IL12RB1: variants seen among roughly 807,000 people sequenced by gnomAD.
IL12RB1 encodes interleukin 12 receptor subunit beta 1, also known as interleukin-12 receptor subunit beta-1.
A neutral mutation model predicts 94.4 loss-of-function variants in IL12RB1; 64 were observed. The observed-to-expected ratio is 0.68, with a 90% confidence interval of 0.55 to 0.83. The LOEUF (loss-of-function observed/expected upper bound fraction) is 0.83, where lower values mean the gene tolerates loss of function less well. Ranked by LOEUF, IL12RB1 falls within the 40% of genes least tolerant of loss-of-function variation. The pLI is 0.00. For missense variants in IL12RB1, 814 were observed against 855.6 expected, an observed-to-expected ratio of 0.95 and a Z score of 0.61; for synonymous variants, 362 against 355.5, an observed-to-expected ratio of 1.02 and a Z score of -0.21.
intron 3 of IL12RB1, 52 bp from the exon 4 acceptor site, chr19:18,081,053 C>T: frequency 3.3e-6 from 5 of 1,533,506 alleles, no homozygotes; most frequent in Non-Finnish European, 4.5e-6. Flanking sequence ...TAGTGGACCC[C>T]ACAGCCGACT....
Position 18,073,589 on chromosome 19 carries a change from T to TG in IL12RB1, c.710dup (p.Gln238ThrfsTer57), listed in dbSNP as rs1338458709. ...CCACCGAGAATCTCACCTGAGGCTG[T>TG]GGGGGGTTTTCTGCAATCAGAACCA... On this transcript the variant is annotated frameshift_variant, in exon 8 of 17. Transcript: ENST00000593993. LOFTEE classifies it high-confidence loss of function. 2 of 1,609,048 alleles carry TG rather than the reference T, an allele frequency of 1.2e-6. No homozygotes were observed. The highest frequency in any genetic ancestry group is 1.7e-6 in the Non-Finnish European group (2 of 1,176,292).
chr19:18,077,381 G>GA (rs1568508959), intron 5 of IL12RB1, 135 bp downstream of exon 5: 2 of 716,166 alleles, frequency 2.8e-6, no homozygotes, highest in African/African-American at 1.8e-5. Context: ...AAAAGAAAAA[G>GA]AAAAAAACCA....
intron 10 of IL12RB1, 79 bp downstream of exon 10, chr19:18,069,467 C>T: frequency 7.5e-7 from 1 of 1,342,096 alleles, no homozygotes. Context: ...TGTGTGCCTT[C>T]CCTGCAGGTT....
Position 18,072,175 on chromosome 19 carries a change from A to G in IL12RB1, c.958T>C (p.Ser320Pro), listed in dbSNP as rs141507253. ...SGAAYNVAVI[S>P]SNQFGPGLNQ... ...AGGCCAGGACCAAATTGGTTCGAGG[A>G]GATGACAGCCACGTTGTAGGCAGCA... The change falls in exon 9 of 17, where the codon TCC becomes CCC. Residue 320 changes from serine (S) to proline (P), a missense_variant. Coordinates refer to ENST00000593993, the MANE Select transcript of IL12RB1 (RefSeq NM_005535.3). The G allele has an allele frequency of 6.7e-5, 108 of 1,614,004 alleles. No individual in the cohort carries two copies. The highest frequency in any genetic ancestry group is 8.8e-5 in the Non-Finnish European group (104 of 1,180,028).
intron 8 of IL12RB1, among the ~76,000 whole-genome samples, chr19:18,072,946 C>CAA (rs11336251): frequency 1.1e-4 from 8 of 75,096 alleles, no homozygotes; most frequent in Non-Finnish European, 1.8e-4. Flanking sequence ...GACTCCATCT[C>CAA]AAAAAAAAAA....
At chr19:18,083,124 G>GT (rs1011117342) in intron 2 of IL12RB1, 4 of 534,938 alleles carry the variant, frequency 7.5e-6, no homozygotes, top group African/African-American at 4.1e-5. Context: ...AATTTATCAG[G>GT]TTGGGGGGGG....
intron 13 of IL12RB1, 142 bp from the exon 14 acceptor site, chr19:18,062,419 A>C: frequency 1.7e-6 from 1 of 578,042 alleles, no homozygotes. Context: ...AGACCACAGA[A>C]CCCACCTGCC....
At chr19:18,060,832 G>T (rs150753070) in intron 15 of IL12RB1, among the ~76,000 whole-genome samples, 40 of 152,238 alleles carry the variant, frequency 2.6e-4, no homozygotes, top group Non-Finnish European at 3.8e-4. Flanking sequence ...AACCCTGAAC[G>T]GGCAGCTCCG....
At chr19:18,085,266 A>AG (rs1044256959) in intron 1 of IL12RB1, among the ~76,000 whole-genome samples, 1 of 152,026 alleles carries the variant, frequency 6.6e-6, no homozygotes, top group African/African-American at 2.4e-5. Flanking sequence ...TCCAACCTTG[A>AG]GGGGGGAAAG....
Position 18,059,917 on chromosome 19 carries a change from C to T in IL12RB1, c.1960G>A (p.Asp654Asn), listed in dbSNP as rs202106699. 6.5e-4 allele frequency: 1,031 copies of T among 1,586,708 alleles called. No individual in the cohort carries two copies. The highest frequency in any genetic ancestry group is 1.3e-3 in the Admixed American group (73 of 56,146). The change falls in exon 16 of 17, where the codon GAT becomes AAT. Residue 654 changes from aspartate to asparagine, a missense_variant. By Grantham distance (23) the Asp-to-Asn change is conservative (BLOSUM62 1). Coordinates refer to ENST00000593993, the MANE Select transcript of IL12RB1 (RefSeq NM_005535.3). ...ACCTTGGCCTTGCACCTGTCTCCATCCTCCAAGGACAACTCTGTATCCAGG... is the reference window on the plus strand; with the variant it reads ...ACCTTGGCCTTGCACCTGTCTCCATTCTCCAAGGACAACTCTGTATCCAGG... The part of the protein sequence containing the change: ...LALDTELSLE[D>N]GDRCKAKM
chr19:18,073,591 G>A lies in IL12RB1; in HGVS notation c.709C>T (p.Pro237Ser), dbSNP rs2035236593. 6.2e-7 allele frequency: 1 copy of A among 1,609,826 alleles called. No homozygotes were observed. The highest frequency in any genetic ancestry group is 1.7e-5 in the Admixed American group (1 of 59,924). Residue 237 changes from proline (P) to serine (S), a missense_variant, in exon 8 of 17, where the codon CCA becomes TCA. By Grantham distance (74) the Pro-to-Ser change is moderately conservative (BLOSUM62 -1). Transcript: ENST00000593993. Reference protein sequence around the residue: ...SPVCVPPENPPQPQVRFSVEQ... With the variant: ...SPVCVPPENPSQPQVRFSVEQ... ...ACCGAGAATCTCACCTGAGGCTGTG[G>A]GGGGTTTTCTGCAATCAGAACCAAA...
At chr19:18,084,384 A>G (rs1371090738) in intron 1 of IL12RB1, among the ~76,000 whole-genome samples, 2 of 148,116 alleles carry the variant, frequency 1.4e-5, no homozygotes, top group Admixed American at 6.7e-5. Context: ...TCGTCCATTC[A>G]TCCATCCATC....
rs750479913 is a variant in IL12RB1, at chr19:18,072,128, A to G, written c.1005T>C (p.Pro335=). 6.2e-7 allele frequency: 1 copy of G among 1,613,454 alleles called. No homozygotes were observed. The highest frequency in any genetic ancestry group is 2.2e-5 in the East Asian group (1 of 44,882). The change falls in exon 9 of 17, where the codon CCT becomes CCC. Residue 335 remains proline, a synonymous_variant. Transcript: ENST00000593993. The stretch of plus-strand genomic sequence containing the variant: ...AGGAGGCACCTGTGTGGGTGTCGGC[A>G]GGAATGTGCCACGTCTGGTTCAGGC... ...GPGLNQTWHI[P]ADTHTEPVAL...
chr19:18,072,448 A>G, intron 8 of IL12RB1, 99 bp from the exon 9 acceptor site: 1 of 800,092 alleles, frequency 1.2e-6, no homozygotes, highest in Non-Finnish European at 2.2e-6. Context: ...ACTTGGACAA[A>G]GGCCACAGCC....
intron 15 of IL12RB1, among the ~76,000 whole-genome samples, chr19:18,060,387 G>A (rs2034035050): frequency 6.6e-6 from 1 of 152,154 alleles, no homozygotes; most frequent in Admixed American, 6.6e-5. Flanking sequence ...GCTGAAGCAG[G>A]AGAATCGTTT....
chr19:18,096,095 G>A (rs1316737729), intron 1 of IL12RB1, among the ~76,000 whole-genome samples: 1 of 152,052 alleles, frequency 6.6e-6, no homozygotes, highest in East Asian at 1.9e-4. Context: ...AGGCATGGTG[G>A]CATGTGCCTG....
At position 18,069,667 on chromosome 19, in the gene IL12RB1, C is replaced by G. The variant is rs753394838; in HGVS notation, c.1068G>C (p.Met356Ile). Residue 356 changes from methionine to isoleucine, a missense_variant, in exon 10 of 17, where the codon ATG becomes ATC. Physicochemically the swap from Met to Ile is conservative, Grantham distance 10. Transcript: ENST00000593993. ...TGCTCTGAGCCCGGGCTGGCCAATACATGGTGGTCCCGTTGGTTCCGACGC... is the reference window on the plus strand; with the variant it reads ...TGCTCTGAGCCCGGGCTGGCCAATAGATGGTGGTCCCGTTGGTTCCGACGC... Reference protein sequence around the residue: ...NISVGTNGTTMYWPARAQSMT... With the variant: ...NISVGTNGTTIYWPARAQSMT... 1.2e-6 allele frequency: 2 copies of G among 1,613,086 alleles called. No individual in the cohort carries two copies. Among genetic ancestry groups the G allele is most frequent in the Non-Finnish European group, 1.7e-6 (2 of 1,179,370 alleles).
intron 12 of IL12RB1, 31 bp from the exon 13 acceptor site, chr19:18,064,041 G>A (rs770860296): frequency 6.3e-7 from 1 of 1,589,878 alleles, no homozygotes; most frequent in South Asian, 1.1e-5. Flanking sequence ...CTGAGTCCTG[G>A]GACCTCTTTA....
chr19:18,075,483 A>T (rs2035401048), intron 7 of IL12RB1, among the ~76,000 whole-genome samples: 2 of 146,508 alleles, frequency 1.4e-5, no homozygotes, highest in Non-Finnish European at 3.0e-5. Flanking sequence ...CTGGTCTCGA[A>T]CTCCTGACCT....
Sources: allele counts gnomAD v4.1 joint callset (sites outside exome capture counted in the v4.1 genomes callset), GRCh38; gene constraint gnomAD v4.1.1; transcripts MANE v1.5; gene names NCBI Gene and HGNC (gene_info 2026-07-23, HGNC 2026-07-21).